FBXL22: variants seen among roughly 807,000 people sequenced by gnomAD.
The protein encoded by FBXL22 is F-box and leucine rich repeat protein 22.
A neutral mutation model predicts 11.7 loss-of-function variants in FBXL22; 13 were observed. That is an observed-to-expected ratio of 1.11 (90% CI 0.73 to 1.77). The LOEUF (loss-of-function observed/expected upper bound fraction) is 1.77. FBXL22 is among the 40% of genes most tolerant of loss of function. The probability of loss-of-function intolerance (pLI) is 0.00; values close to 1 mark genes in which losing one functional copy is unlikely to be tolerated. For synonymous variants in FBXL22, 160 were observed against 144.1 expected (o/e 1.11, Z -0.79); for missense variants, 406 against 320.4 (o/e 1.27, Z -2.04).
At chr15:63,599,905 C>A in intron 1 of FBXL22, 1 of 985,650 alleles carries the variant, frequency 1.0e-6, no homozygotes, top group South Asian at 4.7e-5. Flanking sequence ...TTATTCCCCC[C>A]ACGCAGAGGA....
downstream of FBXL22, chr15:63,601,751 C>T: frequency 7.9e-6 from 12 of 1,518,670 alleles, 1 homozygote; most frequent in Non-Finnish European, 1.1e-5. Context: ...TGCATAGTTA[C>T]CCATATTTTC....
At chr15:63,603,779 G>A (rs1379605653), downstream of FBXL22, among the ~76,000 whole-genome samples, 2 of 152,228 alleles carry the variant, frequency 1.3e-5, no homozygotes, top group African/African-American at 2.4e-5. Context: ...TTTGTCAGGA[G>A]AGCCAGCTCT....
downstream of FBXL22, among the ~76,000 whole-genome samples, chr15:63,602,624 T>C (rs1276050861): frequency 3.3e-5 from 5 of 150,012 alleles, no homozygotes; most frequent in Non-Finnish European, 5.9e-5. Flanking sequence ...TAGAAAGTAT[T>C]TGGAAAAAAG....
Position 63,600,749 on chromosome 15 carries a change from G to A in FBXL22, c.406G>A (p.Asp136Asn), listed in dbSNP as rs576214671. The A allele has an allele frequency of 2.1e-5, 26 of 1,231,310 alleles. No individual in the cohort carries two copies. The highest frequency in any genetic ancestry group is 3.2e-5 in the East Asian group (1 of 31,706). The allele number at this position is 1,231,310 out of a possible 1,614,324, so 76.3% of individuals were successfully genotyped here. A position where few individuals can be genotyped will look rare whatever the true frequency, so the allele number is the denominator to read the frequency against. Residue 136 changes from aspartate (D) to asparagine (N), a missense_variant, in exon 2 of 2, where the codon GAC becomes AAC. Asp to Asn is a conservative substitution (Grantham distance 23). Coordinates refer to ENST00000638704, the MANE Select transcript of FBXL22 (RefSeq NM_001367807.1). ...TLSGCGHVTD[D>N]CLARLLRCCP... ...CTCGGGCTGCGGCCACGTTACCGAC[G>A]ACTGCCTGGCGCGCCTGCTGCGCTG...
chr15:63,599,606 G>A, intron 1 of FBXL22: 2 of 1,004,696 alleles, frequency 2.0e-6, no homozygotes, highest in Non-Finnish European at 1.2e-6. Flanking sequence ...GTGACACCTG[G>A]CTGCACCCAA....
Position 63,597,774 on chromosome 15 carries a change from T to C in FBXL22, c.353+29T>C. 1 of 1,534,054 alleles carries C rather than the reference T, an allele frequency of 6.5e-7. No individual in the cohort carries two copies. Among genetic ancestry groups the C allele is most frequent in the Non-Finnish European group, 8.8e-7 (1 of 1,137,844 alleles). Reference sequence around the variant, plus strand: ...GGCCACCTTGCCTCCTGAGCAGTGCTGGCCCCGCTAGCTCTGGCTTCCCTC... The same window carrying C: ...GGCCACCTTGCCTCCTGAGCAGTGCCGGCCCCGCTAGCTCTGGCTTCCCTC... On this transcript the variant is annotated intron_variant, in intron 1 of 1. Transcript: ENST00000638704. This position sits in a 1 kb window ranked among gnomAD's most constrained non-coding sequence, Gnocchi z 4.3.
At chr15:63,601,701 G>A, downstream of FBXL22, 1 of 1,600,086 alleles carries the variant, frequency 6.2e-7, no homozygotes, top group Non-Finnish European at 8.5e-7. Flanking sequence ...ACTCGCGATT[G>A]TAGAAAATTC....
At chr15:63,607,393 G>A (rs1342176036), downstream of FBXL22, among the ~76,000 whole-genome samples, 1 of 152,190 alleles carries the variant, frequency 6.6e-6, no homozygotes, top group East Asian at 1.9e-4. Context: ...ACCCCGAGCA[G>A]GAGGGCTTCA....
At chr15:63,604,920 C>T (rs1206045990), downstream of FBXL22, among the ~76,000 whole-genome samples, 6 of 152,036 alleles carry the variant, frequency 3.9e-5, no homozygotes, top group South Asian at 4.2e-4. Context: ...GGCATGATGG[C>T]GGGTGCCTGT....
rs12899671 is a variant in FBXL22, at chr15:63,600,712, G to A, written c.369G>A (p.Ala123=). ...LRVCDRCPNL[A]SVTLSGCGHV... ...CTCCTCACAGGTGCCCCAACCTGGC[G>A]TCCGTCACGCTCTCGGGCTGCGGCC... The change falls in exon 2 of 2, where the codon GCG becomes GCA. Residue 123 remains alanine (A), a synonymous_variant. Coordinates refer to ENST00000638704, the MANE Select transcript of FBXL22 (RefSeq NM_001367807.1). The A allele has an allele frequency of 0.51, 633,016 of 1,231,148 alleles. 168,535 individuals carry two copies. Among genetic ancestry groups the A allele is most frequent in the Non-Finnish European group, 0.55 (543,502 of 987,640 alleles). 76.3% of individuals were successfully genotyped at this position (1,231,148 alleles called of 1,614,324 possible).
intron 1 of FBXL22, chr15:63,599,231 G>A: frequency 6.5e-7 from 1 of 1,535,574 alleles, no homozygotes; most frequent in South Asian, 1.2e-5. Context: ...TGGTTCTTCT[G>A]GCACTCAGCT....
At position 63,600,359 on chromosome 15, in the gene FBXL22, A is replaced by G. The variant is rs568072864; in HGVS notation, c.354-338A>G. On this transcript the variant is annotated intron_variant, in intron 1 of 1. Coordinates refer to ENST00000638704, the MANE Select transcript of FBXL22 (RefSeq NM_001367807.1). ...AGGCAGCACATCCAGAGCGAAACAA[A>G]GAGTCAAGGGTTGTGGCTCCTGGAA... 7 of 1,092,610 alleles carry G rather than the reference A, an allele frequency of 6.4e-6. No individual in the cohort carries two copies. In the East Asian group the frequency reaches 3.2e-4, roughly 50 times the overall value. The allele number at this position is 1,092,610 out of a possible 1,614,324, so 67.7% of individuals were successfully genotyped here. A position where few individuals can be genotyped will look rare whatever the true frequency, so the allele number is the denominator to read the frequency against.
intron 1 of FBXL22, chr15:63,599,841 G>C: frequency 1.0e-6 from 1 of 985,872 alleles, no homozygotes; most frequent in Non-Finnish European, 1.2e-6. Flanking sequence ...AAGCGGGTTA[G>C]GACTGCCTGT....
chr15:63,605,937 G>A (rs187879197), downstream of FBXL22, among the ~76,000 whole-genome samples: 10 of 152,356 alleles, frequency 6.6e-5, no homozygotes, highest in Admixed American at 5.2e-4. Flanking sequence ...CAGGGTTCCA[G>A]ATCTCCCCCA....
chr15:63,605,967 C>A (rs1051947758), downstream of FBXL22, among the ~76,000 whole-genome samples: 10 of 152,198 alleles, frequency 6.6e-5, no homozygotes, highest in Non-Finnish European at 1.2e-4. Flanking sequence ...AGGCTGCTAG[C>A]AGGAGGTGGT....
downstream of FBXL22, chr15:63,602,551 C>T (rs2067386444): frequency 1.4e-5 from 2 of 139,760 alleles, no homozygotes; most frequent in South Asian, 4.5e-4. Flanking sequence ...CGTGCCACTG[C>T]ACTCCAGCCT....
At chr15:63,605,050 T>G (rs1356581606), downstream of FBXL22, among the ~76,000 whole-genome samples, 1 of 151,836 alleles carries the variant, frequency 6.6e-6, no homozygotes, top group Non-Finnish European at 1.5e-5. Flanking sequence ...TGAGCAAGAC[T>G]CCGTCTCAAA....
At position 63,601,177 on chromosome 15, in the gene FBXL22, G is replaced by A. The variant is rs1294394670; in HGVS notation, c.*138G>A. On this transcript the variant is annotated 3_prime_UTR_variant, in exon 2 of 2. Coordinates refer to ENST00000638704, the MANE Select transcript of FBXL22 (RefSeq NM_001367807.1). Reference sequence around the variant, plus strand: ...CCGTCTGCACAGTGGGGATAAGAAAGCCTACCTCACGTTACGATTTTATAC... The same window carrying A: ...CCGTCTGCACAGTGGGGATAAGAAAACCTACCTCACGTTACGATTTTATAC... 1 of 1,454,714 alleles carries A rather than the reference G, an allele frequency of 6.9e-7. No individual in the cohort carries two copies. Among genetic ancestry groups the A allele is most frequent in the African/African-American group, 1.5e-5 (1 of 68,074 alleles). 90.1% of individuals were successfully genotyped at this position (1,454,714 alleles called of 1,614,324 possible).
chr15:63,600,993 G>C lies in FBXL22; in HGVS notation c.650G>C (p.Arg217Pro), dbSNP rs911224544. 1.7e-5 allele frequency: 20 copies of C among 1,190,798 alleles called. No individual in the cohort carries two copies. Among genetic ancestry groups the C allele is most frequent in the Non-Finnish European group, 2.1e-5 (20 of 962,074 alleles). The allele number at this position is 1,190,798 out of a possible 1,614,324, so 73.8% of individuals were successfully genotyped here. ...GCCATGCTGCCCGACCAGCCCCCGC[G>C]CCCGCGCGCGCCCGCCGCGGCCCTC... ...SAAMLPDQPP[R>P]PRAPAAALGK... The change falls in exon 2 of 2, where the codon CGC (arginine) becomes CCC (proline). Residue 217 changes from arginine to proline, a missense_variant. Transcript: ENST00000638704.
Sources: gnomAD v4.1 joint callset for allele counts (sites outside exome capture counted in the v4.1 genomes callset) on GRCh38, gnomAD v4.1.1 for gene constraint, Gnocchi (gnomAD v3.1) non-coding constraint, MANE v1.5 for transcripts, NCBI Gene and HGNC (gene_info 2026-07-23, HGNC 2026-07-21) for gene names.